Variants in PCDHGB1 observed in about 807,000 individuals in gnomAD.
The protein encoded by PCDHGB1 is protocadherin gamma-B1.
PCDHGB1 carries 34 observed loss-of-function variants against 56.6 expected under a neutral mutation model. That is an observed-to-expected ratio of 0.60 (90% CI 0.46 to 0.80). The LOEUF (loss-of-function observed/expected upper bound fraction) is 0.80. Ranked by LOEUF, PCDHGB1 falls within the 30% of genes least tolerant of loss-of-function variation. The pLI is 0.00. For missense variants in PCDHGB1, 1,278 were observed against 1,204.6 expected (o/e 1.06, Z -0.90); for synonymous variants, 561 against 505.9 (o/e 1.11, Z -1.46).
chr5:141,415,289 C>T (rs1413039067), intron 1 of PCDHGB1: 11 of 1,614,088 alleles, frequency 6.8e-6, no homozygotes, highest in African/African-American at 1.3e-5. Flanking sequence ...GCCGCGGTCT[C>T]CTGCGTCTTC....
intron 1 of PCDHGB1, among the ~76,000 whole-genome samples, chr5:141,462,009 G>C (rs2099028674): frequency 6.6e-6 from 1 of 152,190 alleles, no homozygotes; most frequent in Non-Finnish European, 1.5e-5. Flanking sequence ...TTTTAATAGA[G>C]ACGGGGTTTC....
At chr5:141,479,842 G>A (rs1167563746) in intron 1 of PCDHGB1, among the ~76,000 whole-genome samples, 3 of 152,172 alleles carry the variant, frequency 2.0e-5, no homozygotes, top group African/African-American at 7.2e-5. Context: ...TCCATGCAAG[G>A]TGACTGCAAG....
At position 141,476,114 on chromosome 5, in the gene PCDHGB1, G is replaced by C; in HGVS notation, c.2410-18693G>C. 3.8e-6 allele frequency: 6 copies of C among 1,592,296 alleles called. No homozygotes were observed. Among genetic ancestry groups the C allele is most frequent in the Non-Finnish European group, 5.1e-6 (6 of 1,171,536 alleles). On this transcript the variant is annotated intron_variant, in intron 1 of 3. Coordinates refer to ENST00000523390, the MANE Select transcript of PCDHGB1 (RefSeq NM_018922.3). This position sits in a 1 kb window ranked among gnomAD's most constrained non-coding sequence, Gnocchi z 7.6. Reference sequence around the variant, plus strand: ...CCGCTGAGAGGAACTGCTTTTGAGTGAGATGGTCCCAGAGGCCTGGAGGAG... The same window carrying C: ...CCGCTGAGAGGAACTGCTTTTGAGTCAGATGGTCCCAGAGGCCTGGAGGAG...
chr5:141,391,895 A>C (rs1315243362), intron 1 of PCDHGB1: 1 of 152,202 alleles, frequency 6.6e-6, no homozygotes, highest in Non-Finnish European at 1.5e-5. Context: ...GATGGGATGG[A>C]GCTTTGCTTT....
Position 141,423,156 on chromosome 5 carries a change from CGTG to C in PCDHGB1, c.2409+70492_2409+70494del, listed in dbSNP as rs776903094. On this transcript the variant is annotated intron_variant, in intron 1 of 3. Coordinates refer to ENST00000523390, the MANE Select transcript of PCDHGB1 (RefSeq NM_018922.3). ...ACAGAGACGCGCTCAAGCAGAGCCT[CGTG>C]GTGGCCGTCCAGGACCACGGCCAGC... 8.2e-4 allele frequency: 1,328 copies of C among 1,613,396 alleles called. 15 individuals are homozygous for C. Among genetic ancestry groups the C allele is most frequent in the Admixed American group, 9.5e-4 (57 of 60,016 alleles).
chr5:141,428,082 G>A lies in PCDHGB1; in HGVS notation c.2410-66725G>A, dbSNP rs776612130. 2.5e-6 allele frequency: 4 copies of A among 1,609,030 alleles called. No individual in the cohort carries two copies. In the African/African-American group the frequency reaches 5.3e-5, roughly 21 times the overall value. On this transcript the variant is annotated intron_variant, in intron 1 of 3. Transcript: ENST00000523390. ...GGTGGACGCAGATTCGGGACACAACGCTTGGCTGTCCTACCACGTGCTGCA... is the reference window on the plus strand; with the variant it reads ...GGTGGACGCAGATTCGGGACACAACACTTGGCTGTCCTACCACGTGCTGCA...
chr5:141,492,691 C>G (rs2099743102), intron 1 of PCDHGB1, among the ~76,000 whole-genome samples: 1 of 152,274 alleles, frequency 6.6e-6, no homozygotes, highest in South Asian at 2.1e-4. Flanking sequence ...TCGGCGACCC[C>G]TCAACCCAGA....
chr5:141,375,070 C>T (rs1399275208), intron 1 of PCDHGB1: 2 of 1,613,854 alleles, frequency 1.2e-6, no homozygotes, highest in Admixed American at 1.7e-5. Flanking sequence ...GTCTTCGAGA[C>T]AGAGCGAAAG....
Position 141,360,662 on chromosome 5 carries a change from A to C in PCDHGB1, c.2409+7993A>C. 5 of 1,614,014 alleles carry C rather than the reference A, an allele frequency of 3.1e-6. No individual in the cohort carries two copies. The Middle Eastern group carries it at 6.6e-4, about 213-fold the overall frequency. On this transcript the variant is annotated intron_variant, in intron 1 of 3. Transcript: ENST00000523390. ...CAAAGATACCACCTTAATGACAACG[A>C]GTACTTTGATCTCGCTGAGAAACAG...
intron 1 of PCDHGB1, chr5:141,389,542 G>A (rs765744557): frequency 5.0e-6 from 8 of 1,613,080 alleles, no homozygotes; most frequent in African/African-American, 2.7e-5. Flanking sequence ...GTGGACGACC[G>A]CAACGACAAT....
Position 141,489,343 on chromosome 5 carries a change from G to A in PCDHGB1, c.2410-5464G>A, listed in dbSNP as rs377697321. On this transcript the variant is annotated intron_variant, in intron 1 of 3. Coordinates refer to ENST00000523390, the MANE Select transcript of PCDHGB1 (RefSeq NM_018922.3). This position sits in a 1 kb window ranked among gnomAD's most constrained non-coding sequence, Gnocchi z 4.5. ...GGTGTCTGGGCAGCTTCGTTACTCA[G>A]TGGTGGAGGAGTCTGAGCCGGGGAC... The A allele has an allele frequency of 5.6e-6, 9 of 1,611,264 alleles. No individual in the cohort carries two copies. Among genetic ancestry groups the A allele is most frequent in the Non-Finnish European group, 7.6e-6 (9 of 1,178,202 alleles).
At position 141,499,027 on chromosome 5, in the gene PCDHGB1, A is replaced by AG. The variant is rs1323149397; in HGVS notation, c.2468+4163dup. 7.4e-3 allele frequency among the ~76,000 whole-genome samples: 1,116 copies of AG among 149,928 alleles called. 12 individuals are homozygous for AG. Among genetic ancestry groups the AG allele is most frequent in the African/African-American group, 0.026 (1,074 of 40,604 alleles). On this transcript the variant is annotated intron_variant, in intron 2 of 3. Transcript: ENST00000523390. ...AAGGAAGGAAGGAAGGAAGGAAGGA[A>AG]GAAAAGAAAGAAAAAGGGAGAAAAA...
intron 1 of PCDHGB1, chr5:141,366,034 C>T (rs1764274973): frequency 2.5e-6 from 4 of 1,614,144 alleles, no homozygotes; most frequent in Non-Finnish European, 2.5e-6. Flanking sequence ...CCGCCCTCCC[C>T]ACAGACGGTT....
rs188066304 is a variant in PCDHGB1, at chr5:141,450,907, C to T, written c.2410-43900C>T. On this transcript the variant is annotated intron_variant, in intron 1 of 3. Coordinates refer to ENST00000523390, the MANE Select transcript of PCDHGB1 (RefSeq NM_018922.3). ...TGGTGCGATATCGGCTCACTGCAAC[C>T]GCTGCCTCCCAGATTCAAGCAATTC... is the stretch of plus-strand genomic sequence containing the variant. 6.7e-3 allele frequency among the ~76,000 whole-genome samples: 1,004 copies of T among 150,024 alleles called. 12 individuals carry two copies. The highest frequency in any genetic ancestry group is 0.024 in the African/African-American group (970 of 40,702).
At chr5:141,399,937 G>C in intron 1 of PCDHGB1, 1 of 1,612,360 alleles carries the variant, frequency 6.2e-7, no homozygotes, top group African/African-American at 1.3e-5. Flanking sequence ...GTCCTACCAC[G>C]TGCTGCAGGC....
chr5:141,431,256 C>T lies in PCDHGB1; in HGVS notation c.2410-63551C>T. The stretch of plus-strand genomic sequence containing the variant: ...TGGGATCCGGATATCGGGAAGAACT[C>T]TCTGCAGAGCTACGAGCTCAGCCCG... On this transcript the variant is annotated intron_variant, in intron 1 of 3. Transcript: ENST00000523390. This position sits in a 1 kb window ranked among gnomAD's most constrained non-coding sequence, Gnocchi z 4.8. The T allele has an allele frequency of 6.2e-7, 1 of 1,614,194 alleles. No homozygotes were observed. Among genetic ancestry groups the T allele is most frequent in the South Asian group, 1.1e-5 (1 of 91,088 alleles).
intron 1 of PCDHGB1, among the ~76,000 whole-genome samples, chr5:141,425,293 T>A (rs1332220576): frequency 1.3e-5 from 2 of 152,172 alleles, no homozygotes; most frequent in African/African-American, 4.8e-5. Context: ...TTATAAAACC[T>A]CATCTAAACT....
In PCDHGB1 at chr5:141,456,564, A is replaced by G. The variant is rs1174191537; in HGVS notation, c.2410-38243A>G. ...TTGTAGCCACTCGGGGCTGAAGCCC[A>G]CATTTTCCCTGAGCCTGTCAATAAT... On this transcript the variant is annotated intron_variant, in intron 1 of 3. Coordinates refer to ENST00000523390, the MANE Select transcript of PCDHGB1 (RefSeq NM_018922.3). Among the ~76,000 whole-genome samples the G allele has an allele frequency of 2.6e-5, 4 of 152,338 alleles. No individual in the cohort carries two copies. The South Asian group carries it at 6.2e-4, about 24-fold the overall frequency.
intron 1 of PCDHGB1, chr5:141,400,044 G>T: frequency 1.2e-6 from 2 of 1,613,672 alleles, no homozygotes; most frequent in Non-Finnish European, 1.7e-6. Context: ...AGCGCCTGCT[G>T]GTTGCTGTGC....
Sources: gnomAD v4.1 joint callset for allele counts (sites outside exome capture counted in the v4.1 genomes callset) on GRCh38, gnomAD v4.1.1 for gene constraint, Gnocchi (gnomAD v3.1) non-coding constraint, MANE v1.5 for transcripts, NCBI Gene and HGNC (gene_info 2026-07-23, HGNC 2026-07-21) for gene names.